NELL2: variants seen among roughly 807,000 people sequenced by gnomAD.
NELL2 encodes protein kinase C-binding protein NELL2.
In NELL2, 41 loss-of-function variants were observed where a neutral mutation model predicts 109.6. The ratio of observed to expected loss-of-function variants is 0.37; its 90% confidence interval spans 0.29 to 0.49. The LOEUF (loss-of-function observed/expected upper bound fraction) is 0.49. Among genes scored for constraint, NELL2 ranks in the 20% least tolerant of loss-of-function variants. The pLI is 0.98. For synonymous variants in NELL2, 355 were observed against 344.7 expected (o/e 1.03, Z -0.33); for missense variants, 900 against 1,008.3 (o/e 0.89, Z 1.45).
At chr12:44,621,220 C>T (rs899100295) in intron 13 of NELL2, among the ~76,000 whole-genome samples, 8 of 152,192 alleles carry the variant, frequency 5.3e-5, no homozygotes, top group African/African-American at 1.9e-4. Context: ...ACTCACCTCC[C>T]ACTCAGATCA....
At chr12:44,557,582 G>A (rs552168359) in intron 15 of NELL2, among the ~76,000 whole-genome samples, 3 of 152,204 alleles carry the variant, frequency 2.0e-5, no homozygotes, top group South Asian at 2.1e-4. Context: ...TGAAGGTAAT[G>A]GAGAAAAAAA....
intron 2 of NELL2, among the ~76,000 whole-genome samples, chr12:44,848,254 G>GAAGT (rs1223926746): frequency 5.3e-5 from 8 of 152,096 alleles, no homozygotes; most frequent in Non-Finnish European, 7.4e-5. Flanking sequence ...GAGAAGTGGT[G>GAAGT]AAGTGACTTT....
upstream of NELL2, among the ~76,000 whole-genome samples, chr12:44,915,796 G>T (rs1945824468): frequency 6.6e-6 from 1 of 151,888 alleles, no homozygotes; most frequent in African/African-American, 2.4e-5. Flanking sequence ...AAAAAAAAAT[G>T]GGGAAAATAT....
At chr12:44,559,780 A>C (rs1258597989) in intron 15 of NELL2, among the ~76,000 whole-genome samples, 1 of 152,126 alleles carries the variant, frequency 6.6e-6, no homozygotes, top group Admixed American at 6.5e-5. Context: ...TGAGACAGAA[A>C]ATTCACAAGG....
intron 12 of NELL2, among the ~76,000 whole-genome samples, chr12:44,671,324 C>T (rs1948131312): frequency 6.6e-6 from 1 of 151,992 alleles, no homozygotes; most frequent in South Asian, 2.1e-4. Flanking sequence ...GTAATAAATG[C>T]CTACATCAAA....
chr12:44,798,017 G>C lies in NELL2; in HGVS notation c.335+17969C>G, dbSNP rs191080190. On this transcript the variant is annotated intron_variant, in intron 3 of 19. Transcript: ENST00000429094. ...TCCTAGATGGAATGATGGAATAAAAGCATTCCATCCTAGATGGAATGATGG... is the reference window on the plus strand; with the variant it reads ...TCCTAGATGGAATGATGGAATAAAACCATTCCATCCTAGATGGAATGATGG... Among the ~76,000 whole-genome samples the C allele has an allele frequency of 1.8e-3, 62 of 35,062 alleles. 2 individuals are homozygous for C. Among genetic ancestry groups the C allele is most frequent in the Non-Finnish European group, 3.0e-3 (35 of 11,860 alleles). The allele number at this position is 35,062 out of a possible 152,430, so 23.0% of individuals were successfully genotyped here. A position where few individuals can be genotyped will look rare whatever the true frequency, so the allele number is the denominator to read the frequency against.
intron 12 of NELL2, among the ~76,000 whole-genome samples, chr12:44,680,714 C>T (rs1301999640): frequency 6.6e-6 from 1 of 152,116 alleles, no homozygotes; most frequent in African/African-American, 2.4e-5. Flanking sequence ...ATAATTGACT[C>T]AAAGAAGCCA....
At chr12:44,715,857 A>C (rs929136701) in intron 9 of NELL2, among the ~76,000 whole-genome samples, 5 of 152,326 alleles carry the variant, frequency 3.3e-5, no homozygotes, top group African/African-American at 9.6e-5. Context: ...AATTATGAGA[A>C]ATTGTCTCAC....
chr12:44,873,811 A>C (rs1945234710), intron 2 of NELL2, among the ~76,000 whole-genome samples: 1 of 151,994 alleles, frequency 6.6e-6, no homozygotes, highest in Non-Finnish European at 1.5e-5. Flanking sequence ...TTCTGCTGAC[A>C]ATGTAGCCTT....
chr12:44,800,012 C>T (rs775272011), intron 3 of NELL2, among the ~76,000 whole-genome samples: 5 of 152,026 alleles, frequency 3.3e-5, no homozygotes, highest in Non-Finnish European at 7.4e-5. Flanking sequence ...TATTTAATCA[C>T]CAAATCCTCA....
intron 15 of NELL2, among the ~76,000 whole-genome samples, chr12:44,576,379 T>C (rs2136202802): frequency 6.6e-6 from 1 of 152,302 alleles, no homozygotes; most frequent in South Asian, 2.1e-4. Flanking sequence ...GTGAGTCTTT[T>C]CCACGATTAA....
At position 44,772,127 on chromosome 12, in the gene NELL2, C is replaced by T. The variant is rs370788524; in HGVS notation, c.994+2620G>A. ...ATCAATGTAGGGTCTAAGAAGAGGG[C>T]TTATATTTATATTTAAAAGAGTAAA... On this transcript the variant is annotated intron_variant, in intron 9 of 19. Transcript: ENST00000429094. Among the ~76,000 whole-genome samples the T allele has an allele frequency of 3.5e-4, 53 of 152,198 alleles. 2 individuals are homozygous for T. In the South Asian group the frequency reaches 0.011, roughly 30 times the overall value.
At chr12:44,825,728 G>C (rs1007561800) in intron 2 of NELL2, among the ~76,000 whole-genome samples, 1 of 149,170 alleles carries the variant, frequency 6.7e-6, no homozygotes, top group South Asian at 2.1e-4. Context: ...TTCATTGTTA[G>C]TGTAAGTAAA....
In NELL2 at chr12:44,779,963, C is replaced by T; in HGVS notation, c.395G>A (p.Gly132Asp). ...CACTTCTGTGTGAGGGCGGTGACTG[C>T]CTGAGCGGTAATGCAGTCTGACTTC... The part of the protein sequence containing the change: ...RNEVRLHYRS[G>D]SHRPHTEVFP... The change falls in exon 4 of 20, where the codon GGC (glycine) becomes GAC (aspartate). Residue 132 changes from glycine (G) to aspartate (D), a missense_variant. Coordinates refer to ENST00000429094, the MANE Select transcript of NELL2 (RefSeq NM_001145108.2). The T allele has an allele frequency of 8.7e-6, 14 of 1,613,884 alleles. No homozygotes were observed. The highest frequency in any genetic ancestry group is 1.1e-5 in the Non-Finnish European group (13 of 1,179,802).
At chr12:44,546,039 A>G (rs1942780238) in intron 15 of NELL2, among the ~76,000 whole-genome samples, 1 of 152,108 alleles carries the variant, frequency 6.6e-6, no homozygotes. Flanking sequence ...TAGTGAAGCA[A>G]AAGACTTTAT....
intron 12 of NELL2, among the ~76,000 whole-genome samples, chr12:44,703,452 A>G (rs1360308117): frequency 6.6e-6 from 1 of 152,168 alleles, no homozygotes; most frequent in Admixed American, 6.6e-5. Context: ...CTATCTGAAT[A>G]TCTAATTATG....
intron 3 of NELL2, among the ~76,000 whole-genome samples, chr12:44,794,088 G>C (rs1306591170): frequency 6.6e-6 from 1 of 152,116 alleles, no homozygotes; most frequent in East Asian, 1.9e-4. Context: ...ACCAAGGCTC[G>C]GCACAGCAGG....
At chr12:44,734,364 G>A (rs1299208275) in intron 9 of NELL2, among the ~76,000 whole-genome samples, 3 of 151,724 alleles carry the variant, frequency 2.0e-5, no homozygotes, top group Admixed American at 2.0e-4. Context: ...TATTTTAAAT[G>A]GGTATCTTTT....
chr12:44,558,600 G>C (rs1943344527), intron 15 of NELL2, among the ~76,000 whole-genome samples: 1 of 152,184 alleles, frequency 6.6e-6, no homozygotes, highest in African/African-American at 2.4e-5. Flanking sequence ...CTCCCTAAGG[G>C]AAGCTGTGAG....
Sources: allele counts gnomAD v4.1 joint callset (sites outside exome capture counted in the v4.1 genomes callset), GRCh38; gene constraint gnomAD v4.1.1; transcripts MANE v1.5; gene names NCBI Gene and HGNC (gene_info 2026-07-23, HGNC 2026-07-21).